DLGAP4: variants seen among roughly 807,000 people sequenced by gnomAD.
DLGAP4 encodes DLG associated protein 4.
A neutral mutation model predicts 86.9 loss-of-function variants in DLGAP4; 18 were observed. The ratio of observed to expected loss-of-function variants is 0.21; its 90% CI spans 0.14 to 0.31. DLGAP4 has a LOEUF of 0.31. Ranked by LOEUF, DLGAP4 falls within the 10% of genes least tolerant of loss-of-function variation. The pLI, the probability that DLGAP4 is intolerant of heterozygous loss-of-function variation, is 1.00. For missense variants in DLGAP4, 1,085 were observed against 1,362.6 expected (o/e 0.80, Z 3.21); for synonymous variants, 548 against 574.3 (o/e 0.95, Z 0.65).
Position 36,528,291 on chromosome 20 carries a change from C to G in DLGAP4, c.*1260C>G, listed in dbSNP as rs2037894242. 2 of 152,736 alleles carry G rather than the reference C, an allele frequency of 1.3e-5. No homozygotes were observed. Among genetic ancestry groups the G allele is most frequent in the African/African-American group, 4.8e-5 (2 of 41,408 alleles). 9.5% of individuals were successfully genotyped at this position (152,736 alleles called of 1,614,324 possible). On this transcript the variant is annotated 3_prime_UTR_variant, in exon 13 of 13. Transcript: ENST00000339266. ...TCCCACTCCCAGGGTGTCACGAGCC[C>G]TGAGCTGCAATGGCCCGGGCCTGCA...
At chr20:36,435,365 C>T (rs1264764351) in intron 3 of DLGAP4, among the ~76,000 whole-genome samples, 1 of 152,142 alleles carries the variant, frequency 6.6e-6, no homozygotes, top group African/African-American at 2.4e-5. Flanking sequence ...CAGCAGAGCC[C>T]GGCTCAGAAG....
intron 2 of DLGAP4, among the ~76,000 whole-genome samples, chr20:36,428,505 T>C (rs2033040968): frequency 6.6e-6 from 1 of 152,222 alleles, no homozygotes; most frequent in Non-Finnish European, 1.5e-5. Flanking sequence ...TGGTGGAAGC[T>C]GGGCCATGCT....
intron 7 of DLGAP4, chr20:36,462,481 C>CTGTCTCCCCTTCTCTCTGCTCCT: frequency 1.3e-6 from 2 of 1,577,052 alleles, no homozygotes; most frequent in East Asian, 4.8e-5. Flanking sequence ...CCCTAGCCCC[C>CTGTCTCCCCTTCTCTCTGCTCCT]TGTCTCCCCT....
At chr20:36,439,629 C>T in intron 4 of DLGAP4, 125 bp from the exon 5 acceptor site, 2 of 766,836 alleles carry the variant, frequency 2.6e-6, no homozygotes, top group South Asian at 1.6e-5. Context: ...GCTGGTGCTG[C>T]CACCCTGCGG....
chr20:36,461,663 G>GCCCC, intron 7 of DLGAP4: 1 of 63,046 alleles, frequency 1.6e-5, no homozygotes, highest in Non-Finnish European at 1.9e-5. Context: ...GGGCCGCCCC[G>GCCCC]CCCGGCCCGG....
chr20:36,517,239 C>T (rs1013856843), intron 10 of DLGAP4, among the ~76,000 whole-genome samples: 5 of 151,698 alleles, frequency 3.3e-5, no homozygotes, highest in South Asian at 4.2e-4. Flanking sequence ...ATCAGCCAGG[C>T]GTGGTGCGGG....
intron 1 of DLGAP4, among the ~76,000 whole-genome samples, chr20:36,341,272 G>A (rs1555892471): frequency 2.0e-5 from 3 of 152,216 alleles, no homozygotes. Flanking sequence ...GGAGCCTTCT[G>A]TGACCTTTGT....
chr20:36,388,632 A>G (rs1206964601), intron 2 of DLGAP4, among the ~76,000 whole-genome samples: 1 of 152,008 alleles, frequency 6.6e-6, no homozygotes, highest in East Asian at 1.9e-4. Flanking sequence ...TCACTTACCT[A>G]TTAGCTGTGT....
At chr20:36,386,691 C>T (rs1252166077) in intron 2 of DLGAP4, among the ~76,000 whole-genome samples, 1 of 151,912 alleles carries the variant, frequency 6.6e-6, no homozygotes, top group African/African-American at 2.4e-5. Flanking sequence ...CTCAAGTGAT[C>T]CTCCCACCTC....
intron 2 of DLGAP4, among the ~76,000 whole-genome samples, chr20:36,405,540 G>A (rs1046535825): frequency 1.3e-5 from 2 of 151,900 alleles, no homozygotes; most frequent in Non-Finnish European, 2.9e-5. Context: ...TCGGTGGGAG[G>A]GAGACTTACT....
Position 36,527,065 on chromosome 20 carries a change from A to G in DLGAP4, c.*34A>G. On this transcript the variant is annotated 3_prime_UTR_variant, in exon 13 of 13. Transcript: ENST00000339266. ...AGGAGGAAAGAAACGATTTTAAATCATTAAAAACACAAAAACTAAGTGCGA... is the reference window on the plus strand; with the variant it reads ...AGGAGGAAAGAAACGATTTTAAATCGTTAAAAACACAAAAACTAAGTGCGA... 1 of 1,557,862 alleles carries G rather than the reference A, an allele frequency of 6.4e-7. No homozygotes were observed. Among genetic ancestry groups the G allele is most frequent in the Non-Finnish European group, 8.7e-7 (1 of 1,149,546 alleles).
At chr20:36,340,877 C>T (rs1357683809) in intron 1 of DLGAP4, among the ~76,000 whole-genome samples, 1 of 152,170 alleles carries the variant, frequency 6.6e-6, no homozygotes, top group Non-Finnish European at 1.5e-5. Flanking sequence ...GTGAGTCAGG[C>T]ACCACTCGTA....
At chr20:36,521,030 G>T (rs1049550678) in intron 10 of DLGAP4, among the ~76,000 whole-genome samples, 2 of 152,104 alleles carry the variant, frequency 1.3e-5, no homozygotes, top group Non-Finnish European at 2.9e-5. Context: ...ATGGGGTTTT[G>T]CCATGTTGAC....
At chr20:36,382,246 G>T (rs539371643) in intron 2 of DLGAP4, among the ~76,000 whole-genome samples, 1 of 152,136 alleles carries the variant, frequency 6.6e-6, no homozygotes, top group Non-Finnish European at 1.5e-5. Flanking sequence ...CTGAGATAGA[G>T]TCTTGCTGTC....
intron 2 of DLGAP4, among the ~76,000 whole-genome samples, chr20:36,385,545 G>A (rs1467390767): frequency 6.6e-6 from 1 of 152,226 alleles, no homozygotes; most frequent in African/African-American, 2.4e-5. Context: ...AGCAGGACTA[G>A]TAGGCATGGC....
intron 2 of DLGAP4, among the ~76,000 whole-genome samples, chr20:36,370,881 G>T (rs578057278): frequency 2.6e-4 from 40 of 152,280 alleles, no homozygotes; most frequent in Admixed American, 2.4e-3. Context: ...GGTGAGACAG[G>T]GTCAGACCCA....
intron 2 of DLGAP4, among the ~76,000 whole-genome samples, chr20:36,411,187 A>C (rs1284438722): frequency 1.3e-5 from 2 of 152,132 alleles, no homozygotes; most frequent in African/African-American, 2.4e-5. Flanking sequence ...ATGGGGTTTC[A>C]CTATGTTGGC....
intron 2 of DLGAP4, among the ~76,000 whole-genome samples, chr20:36,400,693 C>T (rs1291706383): frequency 5.3e-5 from 8 of 151,166 alleles, no homozygotes; most frequent in East Asian, 1.9e-4. Flanking sequence ...TGCCTTTGTT[C>T]GTATGGAAAG....
intron 7 of DLGAP4, chr20:36,462,498 T>C: frequency 6.3e-7 from 1 of 1,597,978 alleles, no homozygotes. Flanking sequence ...CCCTTCTCTC[T>C]GCTCCTTGTC....
Sources: allele counts gnomAD v4.1 joint callset (sites outside exome capture counted in the v4.1 genomes callset), GRCh38; gene constraint gnomAD v4.1.1; transcripts MANE v1.5; gene names NCBI Gene and HGNC (gene_info 2026-07-23, HGNC 2026-07-21).